Variants in RET observed in about 807,000 individuals in gnomAD.
The protein encoded by RET is proto-oncogene tyrosine-protein kinase receptor Ret.
In RET, 19 loss-of-function variants were observed where a neutral mutation model predicts 118.3. The ratio of observed to expected loss-of-function variants is 0.16; its 90% CI spans 0.11 to 0.24. RET has a LOEUF of 0.24. Among genes scored for constraint, RET ranks in the 10% least tolerant of loss-of-function variants. RET has a pLI of 1.00. For synonymous variants in RET, 597 were observed against 644.1 expected (o/e 0.93, Z 1.11); for missense variants, 1,219 against 1,502.1 (o/e 0.81, Z 3.12).
At position 43,109,009 on chromosome 10, in the gene RET, ATTG is replaced by A. The variant is rs1564493226; in HGVS notation, c.1064-17_1064-15del. The A allele has an allele frequency of 1.2e-6, 2 of 1,609,352 alleles. No homozygotes were observed. Among genetic ancestry groups the A allele is most frequent in the East Asian group, 4.5e-5 (2 of 44,884 alleles). ...AAGCAGCCAGAGCAGCTTGGTGGTC[ATTG>A]TTGTGCCCCTACCTGCAGGGCTGGT... On this transcript the variant is annotated intron_variant, in intron 5 of 19. Coordinates refer to ENST00000355710, the MANE Select transcript of RET (RefSeq NM_020975.6).
chr10:43,122,364 C>T (rs371996973), intron 16 of RET, among the ~76,000 whole-genome samples: 1 of 152,300 alleles, frequency 6.6e-6, no homozygotes, highest in East Asian at 1.9e-4. Flanking sequence ...CTCCTGTGGT[C>T]CTGAGTAGGG....
chr10:43,112,748 G>T (rs1359067948), intron 8 of RET, 105 bp from the exon 9 acceptor site: 4 of 845,106 alleles, frequency 4.7e-6, no homozygotes, highest in Non-Finnish European at 7.9e-6. Context: ...CCCTACTCAG[G>T]CCTCCAGTTG....
chr10:43,080,338 AAT>A (rs1285541528), intron 1 of RET, among the ~76,000 whole-genome samples: 1 of 152,240 alleles, frequency 6.6e-6, no homozygotes, highest in African/African-American at 2.4e-5. Context: ...GGATAAGGCT[AAT>A]ACCAGCAGTA....
chr10:43,094,191 C>G (rs867418503), intron 1 of RET, among the ~76,000 whole-genome samples: 1 of 151,918 alleles, frequency 6.6e-6, no homozygotes, highest in South Asian at 2.1e-4. Flanking sequence ...CCTGGGGAGG[C>G]GGGGACCGCC....
chr10:43,092,313 G>C (rs1480624127), intron 1 of RET, among the ~76,000 whole-genome samples: 2 of 152,206 alleles, frequency 1.3e-5, no homozygotes, highest in Non-Finnish European at 2.9e-5. Context: ...GGAACTGGGA[G>C]AGGAGAGGAG....
chr10:43,119,648 C>A lies in RET; in HGVS notation c.2510C>A (p.Ser837Tyr), dbSNP rs2132947040. Residue 837 changes from serine (S) to tyrosine (Y), a missense_variant, in exon 14 of 20, where the codon TCC becomes TAC. Physicochemically the swap from Ser to Tyr is moderately radical, Grantham distance 144. Around this residue, in one of 5 missense-constraint regions of RET, gnomAD observed 850 missense variants for 969.6 expected, o/e 0.88. Coordinates refer to ENST00000355710, the MANE Select transcript of RET (RefSeq NM_020975.6). ...AGTGGAGGCAGCCGCAACTCCAGCT[C>A]CCTGGACCACCCGGATGAGCGGGCC... ...LGSGGSRNSS[S>Y]LDHPDERALT... The A allele has an allele frequency of 1.9e-6, 3 of 1,613,286 alleles. No homozygotes were observed. The highest frequency in any genetic ancestry group is 2.5e-6 in the Non-Finnish European group (3 of 1,179,964).
intron 1 of RET, among the ~76,000 whole-genome samples, chr10:43,092,319 A>G (rs1837427985): frequency 6.6e-6 from 1 of 152,126 alleles, no homozygotes. Context: ...GGGAGAGGAG[A>G]GGAGGGGGAG....
At chr10:43,087,329 C>T (rs1478666739) in intron 1 of RET, among the ~76,000 whole-genome samples, 2 of 152,230 alleles carry the variant, frequency 1.3e-5, no homozygotes, top group Non-Finnish European at 1.5e-5. Flanking sequence ...ACCGGGTCTC[C>T]TGCCCAGCAT....
intron 1 of RET, 63 bp from the exon 2 acceptor site, chr10:43,100,396 T>C: frequency 6.3e-7 from 1 of 1,581,276 alleles, no homozygotes; most frequent in Non-Finnish European, 8.6e-7. Context: ...TGATTTTTTT[T>C]TTTTTTGTCC....
At chr10:43,110,447 C>T (rs913652181) in intron 6 of RET, among the ~76,000 whole-genome samples, 2 of 152,144 alleles carry the variant, frequency 1.3e-5, no homozygotes, top group African/African-American at 4.8e-5. Context: ...TGCTCTGGCC[C>T]GCCCCCATCT....
Position 43,128,879 on chromosome 10 carries a change from A to G in RET, c.*610A>G, listed in dbSNP as rs1159625250. 4.2e-6 allele frequency: 1 copy of G among 238,934 alleles called. No individual in the cohort carries two copies. The highest frequency in any genetic ancestry group is 2.2e-5 in the African/African-American group (1 of 45,224). The allele number at this position is 238,934 out of a possible 1,614,324, so 14.8% of individuals were successfully genotyped here. On this transcript the variant is annotated 3_prime_UTR_variant, in exon 20 of 20. Coordinates refer to ENST00000355710, the MANE Select transcript of RET (RefSeq NM_020975.6). ...AGAATGATTTTTTTTAAATCATGCA[A>G]CCTTTCCTTAGGAAGACATTTGGTT...
chr10:43,115,846 G>T (rs532379647), intron 11 of RET, among the ~76,000 whole-genome samples: 1 of 152,382 alleles, frequency 6.6e-6, no homozygotes, highest in East Asian at 1.9e-4. Flanking sequence ...CGGCAGGGAA[G>T]CCATGGCAGT....
chr10:43,077,963 C>T (rs1027441774), intron 1 of RET, among the ~76,000 whole-genome samples: 2 of 152,242 alleles, frequency 1.3e-5, no homozygotes, highest in Non-Finnish European at 2.9e-5. Flanking sequence ...GCGTCCCACC[C>T]GGCAGCCCTG....
intron 13 of RET, among the ~76,000 whole-genome samples, chr10:43,119,164 G>A (rs891629199): frequency 2.6e-5 from 4 of 152,142 alleles, no homozygotes; most frequent in African/African-American, 7.2e-5. Context: ...TTGCATCTGC[G>A]CAGGCCTCTG....
intron 1 of RET, among the ~76,000 whole-genome samples, chr10:43,083,185 C>G (rs1741557163): frequency 1.3e-5 from 2 of 152,186 alleles, no homozygotes; most frequent in African/African-American, 2.4e-5. Context: ...CTATGGGACC[C>G]AGCACCGGTG....
intron 1 of RET, among the ~76,000 whole-genome samples, chr10:43,089,078 C>T (rs749152845): frequency 5.9e-5 from 9 of 152,240 alleles, no homozygotes; most frequent in Admixed American, 3.9e-4. Context: ...GAACGGGCAG[C>T]GTGGGGCAGC....
rs1014122393 is a variant in RET, at chr10:43,126,712, C to G, written c.3177C>G (p.Asn1059Lys). Residue 1059 changes from asparagine (N) to lysine (K), a missense_variant, in exon 19 of 20, where the codon AAC (asparagine) becomes AAG (lysine). This residue lies in a region of RET where 174 missense variants were observed against 179.3 expected (regional missense o/e 0.97). Coordinates refer to ENST00000355710, the MANE Select transcript of RET (RefSeq NM_020975.6). ...CCCTCCCTTCCACATGGATTGAAAA[C>G]AAACTCTATGGTAGAATTTCCCATG... ...PRALPSTWIE[N>K]KLYGMSDPNW... 4 of 1,613,964 alleles carry G rather than the reference C, an allele frequency of 2.5e-6. No homozygotes were observed. The highest frequency in any genetic ancestry group is 2.2e-5 in the East Asian group (1 of 44,872).
chr10:43,113,726 C>G (rs1366644998), intron 10 of RET, 51 bp downstream of exon 10: 7 of 1,608,240 alleles, frequency 4.4e-6, no homozygotes, highest in Non-Finnish European at 5.9e-6. Flanking sequence ...CCACAGAGGT[C>G]TCAACAGCAC....
At chr10:43,102,309 C>G in intron 2 of RET, 33 bp from the exon 3 acceptor site, 1 of 1,611,632 alleles carries the variant, frequency 6.2e-7, no homozygotes, top group Non-Finnish European at 8.5e-7. Context: ...CAGATGTGGC[C>G]GATGCCCCCA....
Sources: gnomAD v4.1 joint callset for allele counts (sites outside exome capture counted in the v4.1 genomes callset) on GRCh38, gnomAD v4.1.1 for gene constraint, gnomAD v4.1.1 regional missense constraint, MANE v1.5 for transcripts, NCBI Gene and HGNC (gene_info 2026-07-23, HGNC 2026-07-21) for gene names.